STK11IP: variants seen among roughly 807,000 people sequenced by gnomAD.
The protein encoded by STK11IP is serine/threonine-protein kinase 11-interacting protein.
In STK11IP, 103 loss-of-function variants were observed where a neutral mutation model predicts 131.7. The ratio of observed to expected loss-of-function variants is 0.78; its 90% CI spans 0.67 to 0.92. STK11IP has a LOEUF of 0.92. Among genes scored for constraint, STK11IP ranks in the 40% least tolerant of loss-of-function variants. The pLI is 0.00. For missense variants in STK11IP, 1,315 were observed against 1,385.7 expected (o/e 0.95, Z 0.81); for synonymous variants, 557 against 575.6 (o/e 0.97, Z 0.46).
chr2:219,611,931 C>T, intron 18 of STK11IP, 24 bp from the exon 19 acceptor site: 1 of 1,579,216 alleles, frequency 6.3e-7, no homozygotes, highest in Non-Finnish European at 8.6e-7. Context: ...CATGGGCAGG[C>T]TGATGCCCCC....
rs1698560729 is a variant in STK11IP at position 219,616,066 on chromosome 2, G to A, written c.3140G>A (p.Trp1047Ter). The A allele has an allele frequency of 6.2e-7, 1 of 1,613,818 alleles. No individual in the cohort carries two copies. The highest frequency in any genetic ancestry group is 8.5e-7 in the Non-Finnish European group (1 of 1,179,860). Residue 1047 changes from tryptophan (W) to a stop codon, truncating the protein, a stop_gained, in exon 25 of 25, where the codon TGG (tryptophan) becomes TAG (stop). Transcript: ENST00000456909. LOFTEE classifies it high-confidence loss of function. Reference protein sequence around the residue: ...YDEVSRLESFWALRVVCQEQL... With the variant: ...YDEVSRLESF ...CAGGTGTCCCGGCTGGAGAGCTTTT[G>A]GGCACTCCGTGTGGTGTGTCAGGAG...
rs1479078862 is a variant in STK11IP at position 219,614,245 on chromosome 2, G to A, written c.2798+3G>A. The A allele has an allele frequency of 6.8e-6, 11 of 1,613,174 alleles. No individual in the cohort carries two copies. Among genetic ancestry groups the A allele is most frequent in the Non-Finnish European group, 8.5e-6 (10 of 1,179,706 alleles). On this transcript the variant is annotated splice_donor_region_variant and intron_variant, in intron 22 of 24. Coordinates refer to ENST00000456909, the MANE Select transcript of STK11IP (RefSeq NM_052902.4). ...GTCACCCCCCAGCACCGGCTCTGGT[G>A]AGTCGATAGGAGGCAGAGGCTGGGG...
At chr2:219,612,963 G>T in intron 19 of STK11IP, 165 bp from the exon 20 acceptor site, 1 of 605,604 alleles carries the variant, frequency 1.7e-6, no homozygotes, top group Non-Finnish European at 3.0e-6. Flanking sequence ...GCAGAGAGCG[G>T]TGGTGGATGA....
At position 219,597,872 on chromosome 2, in the gene STK11IP, T is replaced by G. The variant is rs370975215; in HGVS notation, c.-78T>G. The G allele has an allele frequency of 6.2e-6, 10 of 1,603,578 alleles. 1 individual carries two copies. In the Admixed American group the frequency reaches 1.5e-4, roughly 25 times the overall value. On this transcript the variant is annotated 5_prime_UTR_variant, in exon 1 of 25. Transcript: ENST00000456909. ...CCGGGGCGGGACTTCCTTTCCATCA[T>G]TGATAGGCGCCGGGCAGCTGAGCTG... is the stretch of plus-strand genomic sequence containing the variant.
intron 7 of STK11IP, 96 bp downstream of exon 7, chr2:219,602,872 C>G (rs1698036921): frequency 8.0e-7 from 1 of 1,254,208 alleles, no homozygotes. Flanking sequence ...CCACCTTGCT[C>G]TTGCCATGAG....
rs769334428 is a variant in STK11IP, at chr2:219,606,536, C to T, written c.987+19C>T. The T allele has an allele frequency of 2.0e-5, 32 of 1,612,116 alleles. No homozygotes were observed. Among genetic ancestry groups the T allele is most frequent in the Admixed American group, 1.5e-4 (9 of 59,704 alleles). On this transcript the variant is annotated intron_variant, in intron 11 of 24. Transcript: ENST00000456909. ...TTTTCAGGTCGGTGTGGTTGGGGGG[C>T]GAGGACTGTTGGGGGAAGACACGAA...
intron 17 of STK11IP, 106 bp downstream of exon 17, chr2:219,609,646 A>G: frequency 1.5e-6 from 2 of 1,318,696 alleles, no homozygotes; most frequent in Non-Finnish European, 2.1e-6. Flanking sequence ...AGAAGGGGCT[A>G]GAGTGGAGAG....
In STK11IP at chr2:219,608,346, AAG is replaced by A; in HGVS notation, c.1520_1521del (p.Lys507ArgfsTer43). 1 of 1,588,892 alleles carries A rather than the reference AAG, an allele frequency of 6.3e-7. No individual in the cohort carries two copies. The highest frequency in any genetic ancestry group is 8.6e-7 in the Non-Finnish European group (1 of 1,167,666). On this transcript the variant is annotated frameshift_variant, in exon 14 of 25. Transcript: ENST00000456909. LOFTEE classifies it high-confidence loss of function. The stretch of plus-strand genomic sequence containing the variant: ...AGAGGAGAAGGAGGGGAAGGAGGAG[AAG>A]GAGGAGGGGGAGATGGTGGAACAGG... Reference protein sequence around the residue: ...EEEEKEGKEEKEEGEMVEQGE... With the variant: ...EEEEKEGKEEXEEGEMVEQGE...
At chr2:219,610,915 C>A (rs956817378) in intron 17 of STK11IP, among the ~76,000 whole-genome samples, 7 of 152,156 alleles carry the variant, frequency 4.6e-5, no homozygotes, top group African/African-American at 1.7e-4. Context: ...TATTTTCTTT[C>A]TTCTTTGCAA....
chr2:219,610,521 G>A (rs1698360972), intron 17 of STK11IP, among the ~76,000 whole-genome samples: 2 of 152,126 alleles, frequency 1.3e-5, no homozygotes, highest in Admixed American at 1.3e-4. Context: ...TCCTGCCTCA[G>A]CCTCGCAAGT....
At chr2:219,600,893 G>A (rs533079564) in intron 2 of STK11IP, among the ~76,000 whole-genome samples, 1 of 152,300 alleles carries the variant, frequency 6.6e-6, no homozygotes, top group South Asian at 2.1e-4. Flanking sequence ...GGAAGGGGGT[G>A]TCTCATAACA....
intron 17 of STK11IP, 188 bp downstream of exon 17, chr2:219,609,728 G>T: frequency 3.5e-6 from 2 of 578,978 alleles, no homozygotes; most frequent in Non-Finnish European, 2.9e-6. Flanking sequence ...CAGAAAAAAA[G>T]AAGAAACTAT....
At chr2:219,607,168 C>T (rs772043482) in intron 13 of STK11IP, 31 bp downstream of exon 13, 27 of 1,600,508 alleles carry the variant, frequency 1.7e-5, no homozygotes, top group Middle Eastern at 1.6e-4. Flanking sequence ...TAACCTCTCT[C>T]GTCCCCAGCG....
At chr2:219,615,473 G>T in intron 24 of STK11IP, 132 bp downstream of exon 24, 1 of 1,258,852 alleles carries the variant, frequency 7.9e-7, no homozygotes, top group East Asian at 2.5e-5. Context: ...ACAGATGAGA[G>T]AACTAGGGTT....
intron 3 of STK11IP, 70 bp downstream of exon 3, chr2:219,601,510 A>G: frequency 3.2e-6 from 5 of 1,576,378 alleles, no homozygotes; most frequent in Non-Finnish European, 4.3e-6. Flanking sequence ...GGGATAGGGT[A>G]GGGGTGCAGA....
In STK11IP at chr2:219,606,785, C is replaced by T; in HGVS notation, c.1061C>T (p.Ser354Leu). The change falls in exon 12 of 25, where the codon TCA (serine) becomes TTA (leucine). Residue 354 changes from serine (S) to leucine (L), a missense_variant. Coordinates refer to ENST00000456909, the MANE Select transcript of STK11IP (RefSeq NM_052902.4). ...CCAGTGGGGAGTACTCCTGAAACCT[C>T]AGGTGGCCCTGACCTGAGTGACAGC... ...PWPVGSTPET[S>L]GGPDLSDSLS... 6.2e-7 allele frequency: 1 copy of T among 1,613,846 alleles called. No individual in the cohort carries two copies. Among genetic ancestry groups the T allele is most frequent in the Non-Finnish European group, 8.5e-7 (1 of 1,179,884 alleles).
rs1350764927 is a variant in STK11IP at position 219,614,141 on chromosome 2, C to T, written c.2717-20C>T. On this transcript the variant is annotated intron_variant, in intron 21 of 24. Coordinates refer to ENST00000456909, the MANE Select transcript of STK11IP (RefSeq NM_052902.4). Reference sequence around the variant, plus strand: ...AGGAGAGCAGAGCCTTCTAAAGTTCCCTGGCCTGCCTCTGTCTAGATGTCT... The same window carrying T: ...AGGAGAGCAGAGCCTTCTAAAGTTCTCTGGCCTGCCTCTGTCTAGATGTCT... 3.1e-6 allele frequency: 5 copies of T among 1,613,136 alleles called. No homozygotes were observed. Among genetic ancestry groups the T allele is most frequent in the East Asian group, 2.2e-5 (1 of 44,892 alleles).
chr2:219,608,315 G>A lies in STK11IP; in HGVS notation c.1488G>A (p.Glu496=), dbSNP rs1227237529. The A allele has an allele frequency of 1.2e-6, 2 of 1,605,506 alleles. No individual in the cohort carries two copies. ...MSEEVRAEPQ[E]EEEEKEGKEE... ...AGGAGGTCAGGGCGGAGCCACAGGA[G>A]GAGGAAGAGGAGAAGGAGGGGAAGG... Residue 496 remains glutamate, a synonymous_variant, in exon 14 of 25, where the codon GAG becomes GAA. Coordinates refer to ENST00000456909, the MANE Select transcript of STK11IP (RefSeq NM_052902.4).
intron 19 of STK11IP, among the ~76,000 whole-genome samples, chr2:219,612,808 C>T (rs990302181): frequency 2.0e-5 from 3 of 152,186 alleles, no homozygotes; most frequent in African/African-American, 7.2e-5. Context: ...TTCTGAGGGC[C>T]ACTGGGAGCC....
Sources: gnomAD v4.1 joint callset for allele counts (sites outside exome capture counted in the v4.1 genomes callset) on GRCh38, gnomAD v4.1.1 for gene constraint, MANE v1.5 for transcripts, NCBI Gene and HGNC (gene_info 2026-07-23, HGNC 2026-07-21) for gene names.